Variants in ATXN7L1 observed in about 807,000 individuals in gnomAD.
The protein encoded by ATXN7L1 is ataxin-7-like protein 1.
A neutral mutation model predicts 70.8 loss-of-function variants in ATXN7L1; 15 were observed. That is an observed-to-expected ratio of 0.21 (90% CI 0.14 to 0.33). ATXN7L1 has a LOEUF of 0.33. Among genes scored for constraint, ATXN7L1 ranks in the 10% least tolerant of loss-of-function variants. The pLI, the probability that ATXN7L1 is intolerant of heterozygous loss-of-function variation, is 1.00. For missense variants in ATXN7L1, 975 were observed against 1,097.1 expected (o/e 0.89, Z 1.57); for synonymous variants, 440 against 445.1 (o/e 0.99, Z 0.14).
At chr7:105,681,084 T>C (rs1339423467) in intron 3 of ATXN7L1, among the ~76,000 whole-genome samples, 1 of 152,220 alleles carries the variant, frequency 6.6e-6, no homozygotes, top group African/African-American at 2.4e-5. Flanking sequence ...GCAGCAAGTT[T>C]AGAACCGTAA....
intron 8 of ATXN7L1, among the ~76,000 whole-genome samples, chr7:105,622,397 G>A (rs892286970): frequency 2.5e-4 from 38 of 152,136 alleles, no homozygotes; most frequent in African/African-American, 8.9e-4. Context: ...ATCTGATTCC[G>A]TACAGATGCG....
chr7:105,697,720 C>T (rs554047579), intron 3 of ATXN7L1, among the ~76,000 whole-genome samples: 2 of 152,228 alleles, frequency 1.3e-5, no homozygotes, highest in South Asian at 2.1e-4. Flanking sequence ...TCACAACTTA[C>T]GTTTAGAGAT....
intron 3 of ATXN7L1, among the ~76,000 whole-genome samples, chr7:105,692,444 C>CCCTT (rs1483524884): frequency 1.1e-5 from 1 of 88,066 alleles, no homozygotes; most frequent in Non-Finnish European, 2.3e-5. Context: ...CTCCCTCCCT[C>CCCTT]CCTTCCTTCC....
chr7:105,710,319 T>C lies in ATXN7L1; in HGVS notation c.356-45031A>G, dbSNP rs574104021. 7.9e-5 allele frequency among the ~76,000 whole-genome samples: 12 copies of C among 151,100 alleles called. No individual in the cohort carries two copies. In the South Asian group the frequency reaches 1.5e-3, roughly 18 times the overall value. ...GGAGGCCTCAGGAAACTTACAATCA[T>C]GGTAGAAGGTGAAGGGGAAGCAAGC... On this transcript the variant is annotated intron_variant, in intron 3 of 11. Transcript: ENST00000419735.
In ATXN7L1 at chr7:105,614,961, G is replaced by A; in HGVS notation, c.1518-145C>T. ...GAGAATGGAGCCTTGAAGGATGGGA[G>A]AATCTGAAGCATGGCCCCTCCTTAT... is the stretch of plus-strand genomic sequence containing the variant. On this transcript the variant is annotated intron_variant, in intron 9 of 11. Coordinates refer to ENST00000419735, the MANE Select transcript of ATXN7L1 (RefSeq NM_020725.2). This position sits in a 1 kb window ranked among gnomAD's most constrained non-coding sequence, Gnocchi z 4.3. 1.0e-6 allele frequency: 1 copy of A among 1,001,624 alleles called. No individual in the cohort carries two copies. The highest frequency in any genetic ancestry group is 1.4e-6 in the Non-Finnish European group (1 of 709,020). 62.0% of individuals were successfully genotyped at this position (1,001,624 alleles called of 1,614,324 possible).
chr7:105,690,787 G>A (rs573840410), intron 3 of ATXN7L1, among the ~76,000 whole-genome samples: 3 of 152,304 alleles, frequency 2.0e-5, no homozygotes, highest in African/African-American at 7.2e-5. Context: ...CAGCCATTCA[G>A]TGGGACAAGC....
intron 2 of ATXN7L1, among the ~76,000 whole-genome samples, chr7:105,859,911 T>C (rs1221095058): frequency 6.7e-6 from 1 of 149,972 alleles, no homozygotes; most frequent in Non-Finnish European, 1.5e-5. Context: ...GCCTCCCAAG[T>C]AGCTGGGGTT....
chr7:105,661,259 G>A (rs76276209), intron 4 of ATXN7L1, among the ~76,000 whole-genome samples: 2 of 152,172 alleles, frequency 1.3e-5, no homozygotes, highest in Non-Finnish European at 2.9e-5. Context: ...TATTACAATA[G>A]GTGCTCATTA....
At chr7:105,874,208 T>C (rs1818697435) in intron 2 of ATXN7L1, among the ~76,000 whole-genome samples, 1 of 151,462 alleles carries the variant, frequency 6.6e-6, no homozygotes, top group South Asian at 2.1e-4. Flanking sequence ...AAACAGGGAC[T>C]GGGGGGAAAG....
chr7:105,670,823 G>A (rs1024139721), intron 3 of ATXN7L1, among the ~76,000 whole-genome samples: 3 of 151,530 alleles, frequency 2.0e-5, no homozygotes, highest in Non-Finnish European at 2.9e-5. Flanking sequence ...TTAGCCGGGT[G>A]TAGCCGGGCG....
chr7:105,670,967 G>A (rs1296077236), intron 3 of ATXN7L1, among the ~76,000 whole-genome samples: 2 of 152,014 alleles, frequency 1.3e-5, no homozygotes, highest in Admixed American at 1.3e-4. Context: ...TTAGCCCGGC[G>A]AGGTGGCGGG....
intron 4 of ATXN7L1, among the ~76,000 whole-genome samples, chr7:105,651,741 C>T (rs1168025570): frequency 6.6e-6 from 1 of 152,204 alleles, no homozygotes; most frequent in African/African-American, 2.4e-5. Flanking sequence ...GGTTAAAGGT[C>T]CCATCTGTAT....
intron 3 of ATXN7L1, chr7:105,788,101 A>G (rs888339591): frequency 6.5e-6 from 1 of 153,254 alleles, no homozygotes; most frequent in Non-Finnish European, 1.5e-5. Flanking sequence ...TTTTTTTAAC[A>G]AGGAGGATTC....
chr7:105,850,098 T>C (rs1814653000), intron 2 of ATXN7L1, among the ~76,000 whole-genome samples: 1 of 152,230 alleles, frequency 6.6e-6, no homozygotes, highest in South Asian at 2.1e-4. Flanking sequence ...TTACATAAAA[T>C]AACAATGTAT....
intron 2 of ATXN7L1, among the ~76,000 whole-genome samples, chr7:105,860,148 CAT>C (rs60831105): frequency 3.3e-4 from 26 of 79,938 alleles, no homozygotes; most frequent in African/African-American, 1.0e-3. Context: ...TATATATATA[CAT>C]ATATATATAT....
chr7:105,651,775 G>T (rs905715962), intron 4 of ATXN7L1, among the ~76,000 whole-genome samples: 1 of 152,198 alleles, frequency 6.6e-6, no homozygotes, highest in Non-Finnish European at 1.5e-5. Flanking sequence ...AGAGGAGTAA[G>T]GAGGAACTCC....
At chr7:105,723,569 C>A (rs977968581) in intron 3 of ATXN7L1, among the ~76,000 whole-genome samples, 6 of 152,030 alleles carry the variant, frequency 3.9e-5, no homozygotes, top group Non-Finnish European at 8.8e-5. Context: ...ACACACTAGC[C>A]AAAGGGAGAG....
At chr7:105,835,149 G>GTTTTT (rs10587073) in intron 2 of ATXN7L1, among the ~76,000 whole-genome samples, 1,115 of 67,280 alleles carry the variant, frequency 0.017, 45 homozygotes, top group African/African-American at 0.025. Context: ...TAAGTGTGTG[G>GTTTTT]TTTTTTTTTT....
At chr7:105,792,139 G>A (rs1045013207) in intron 2 of ATXN7L1, among the ~76,000 whole-genome samples, 10 of 152,160 alleles carry the variant, frequency 6.6e-5, no homozygotes, top group Non-Finnish European at 1.3e-4. Flanking sequence ...GTCAGTGAGC[G>A]GAAGGTAAAG....
Sources: allele counts gnomAD v4.1 joint callset (sites outside exome capture counted in the v4.1 genomes callset), GRCh38; gene constraint gnomAD v4.1.1; non-coding constraint Gnocchi (gnomAD v3.1); transcripts MANE v1.5; gene names NCBI Gene and HGNC (gene_info 2026-07-23, HGNC 2026-07-21).